FCHSD2: variants seen among roughly 807,000 people sequenced by gnomAD.
FCHSD2 encodes F-BAR and double SH3 domains protein 2.
FCHSD2 carries 38 observed loss-of-function variants against 108.1 expected under a neutral mutation model. That is an observed-to-expected ratio of 0.35 (90% CI 0.27 to 0.46). FCHSD2 has a LOEUF of 0.46. FCHSD2 is among the 20% of genes least tolerant of loss of function. The pLI, the probability that FCHSD2 is intolerant of heterozygous loss-of-function variation, is 1.00. For synonymous variants in FCHSD2, 279 were observed against 314.7 expected (o/e 0.89, Z 1.20); for missense variants, 751 against 897.8 (o/e 0.84, Z 2.09).
chr11:73,082,335 CAAAAAAAAAAAAAA>C (rs750423401), intron 3 of FCHSD2, among the ~76,000 whole-genome samples: 2 of 34,462 alleles, frequency 5.8e-5, no homozygotes, highest in East Asian at 1.1e-3. Context: ...AGACTTGTCC[CAAAAAAAAAAAAAA>C]AAAAAAAAAA....
rs1854829236 is a variant in FCHSD2 at position 72,870,448 on chromosome 11, G to A, written c.1147-2422C>T. Among the ~76,000 whole-genome samples, 5 of 151,680 alleles carry A rather than the reference G, an allele frequency of 3.3e-5. No homozygotes were observed. In the South Asian group the frequency reaches 1.0e-3, roughly 32 times the overall value. ...ACTTTTCCAAGAAAAGACTGAATAG[G>A]CTCTACCAATTCTTTCAAGATTGGC... On this transcript the variant is annotated intron_variant, in intron 12 of 19. Coordinates refer to ENST00000409418, the MANE Select transcript of FCHSD2 (RefSeq NM_014824.3).
At chr11:72,873,362 T>A (rs1055331680) in intron 12 of FCHSD2, among the ~76,000 whole-genome samples, 1 of 152,096 alleles carries the variant, frequency 6.6e-6, no homozygotes, top group East Asian at 1.9e-4. Context: ...TTCATGTGCT[T>A]ATTTATGGGT....
chr11:72,962,464 G>A (rs1286160362), intron 8 of FCHSD2, among the ~76,000 whole-genome samples: 2 of 152,188 alleles, frequency 1.3e-5, no homozygotes, highest in Non-Finnish European at 2.9e-5. Flanking sequence ...AAAAACGTTT[G>A]AGAACCTCTG....
At chr11:73,126,924 G>C (rs1220155339) in intron 2 of FCHSD2, among the ~76,000 whole-genome samples, 3 of 152,116 alleles carry the variant, frequency 2.0e-5, no homozygotes, top group Non-Finnish European at 4.4e-5. Context: ...TGTAATCCTA[G>C]CTACTCAGGA....
intron 2 of FCHSD2, among the ~76,000 whole-genome samples, chr11:73,128,005 C>T (rs1591576927): frequency 6.8e-6 from 1 of 147,756 alleles, no homozygotes; most frequent in East Asian, 2.0e-4. Context: ...CAGAATAAGA[C>T]CATCTCAAAA....
At chr11:72,865,590 C>T (rs112763936) in intron 13 of FCHSD2, among the ~76,000 whole-genome samples, 21 of 151,702 alleles carry the variant, frequency 1.4e-4, no homozygotes, top group African/African-American at 4.6e-4. Context: ...TCCTTCACAA[C>T]GAGAACAGCC....
chr11:72,842,968 TA>T, intron 16 of FCHSD2, 127 bp from the exon 17 acceptor site: 3 of 895,418 alleles, frequency 3.4e-6, no homozygotes, highest in Non-Finnish European at 3.4e-6. Flanking sequence ...GTAATTTTTT[TA>T]CTCACTGATG....
intron 12 of FCHSD2, among the ~76,000 whole-genome samples, chr11:72,881,618 C>A (rs1855088835): frequency 6.6e-6 from 1 of 152,076 alleles, no homozygotes; most frequent in Non-Finnish European, 1.5e-5. Context: ...TCACAGTGGC[C>A]AAGATGTGGA....
chr11:72,959,217 AGT>A (rs1427354794), intron 8 of FCHSD2, among the ~76,000 whole-genome samples: 6 of 83,090 alleles, frequency 7.2e-5, no homozygotes, highest in East Asian at 9.1e-4. Flanking sequence ...TATATCCAGC[AGT>A]CTTTTTTTTT....
chr11:73,120,624 G>A (rs1034717561), intron 2 of FCHSD2, among the ~76,000 whole-genome samples: 3 of 152,064 alleles, frequency 2.0e-5, no homozygotes, highest in African/African-American at 7.2e-5. Flanking sequence ...AGCTACTCAG[G>A]AGGCTGAGGC....
intron 9 of FCHSD2, among the ~76,000 whole-genome samples, chr11:72,903,260 G>C (rs1002426350): frequency 1.3e-5 from 2 of 152,050 alleles, no homozygotes. Flanking sequence ...TCTGTCGCCT[G>C]GGCTGGAGTA....
chr11:72,888,561 C>A (rs1314097156), intron 11 of FCHSD2, among the ~76,000 whole-genome samples: 1 of 151,788 alleles, frequency 6.6e-6, no homozygotes, highest in Non-Finnish European at 1.5e-5. Flanking sequence ...TACTATACTC[C>A]AAATAATTTC....
intron 3 of FCHSD2, among the ~76,000 whole-genome samples, chr11:73,037,344 T>C (rs1194290962): frequency 6.6e-6 from 1 of 152,180 alleles, no homozygotes; most frequent in Non-Finnish European, 1.5e-5. Flanking sequence ...AGTCTATGTG[T>C]CTGGACAAAC....
intron 13 of FCHSD2, among the ~76,000 whole-genome samples, chr11:72,861,183 C>A (rs748587201): frequency 3.3e-5 from 5 of 152,094 alleles, no homozygotes; most frequent in African/African-American, 4.8e-5. Flanking sequence ...GGAGACATGA[C>A]CAATATCAGG....
intron 3 of FCHSD2, among the ~76,000 whole-genome samples, chr11:73,062,472 G>A (rs1422753238): frequency 1.3e-5 from 2 of 152,008 alleles, no homozygotes; most frequent in Admixed American, 6.6e-5. Flanking sequence ...TTCAGAAGGT[G>A]GGTAATAACC....
At chr11:73,067,581 T>A (rs1489026541) in intron 3 of FCHSD2, among the ~76,000 whole-genome samples, 2 of 152,060 alleles carry the variant, frequency 1.3e-5, no homozygotes, top group Non-Finnish European at 2.9e-5. Context: ...ATCCCCAATA[T>A]CATCATGTTC....
At chr11:72,843,017 G>A (rs1473584016) in intron 16 of FCHSD2, 134 bp downstream of exon 16, 4 of 951,634 alleles carry the variant, frequency 4.2e-6, no homozygotes, top group African/African-American at 1.7e-5. Context: ...CAGGACAAAC[G>A]TGACCATATA....
At chr11:73,048,648 A>G (rs1858822100) in intron 3 of FCHSD2, among the ~76,000 whole-genome samples, 1 of 152,176 alleles carries the variant, frequency 6.6e-6, no homozygotes, top group Non-Finnish European at 1.5e-5. Context: ...AGTACGAAAA[A>G]GCTGGAAATA....
At chr11:72,935,528 T>G (rs1192015547) in intron 8 of FCHSD2, among the ~76,000 whole-genome samples, 1 of 152,210 alleles carries the variant, frequency 6.6e-6, no homozygotes, top group Non-Finnish European at 1.5e-5. Context: ...CAGTCTTTCT[T>G]TGCTGATACT....
Sources: gnomAD v4.1 joint callset for allele counts (sites outside exome capture counted in the v4.1 genomes callset) on GRCh38, gnomAD v4.1.1 for gene constraint, MANE v1.5 for transcripts, NCBI Gene and HGNC (gene_info 2026-07-23, HGNC 2026-07-21) for gene names.